The following RNGTT variants were observed in gnomAD, a reference collection of about 807,000 sequenced individuals.
The protein encoded by RNGTT is mRNA-capping enzyme.
RNGTT carries 33 observed loss-of-function variants against 79.3 expected under a neutral mutation model. The ratio of observed to expected loss-of-function variants is 0.42; its 90% CI spans 0.32 to 0.56. The LOEUF is 0.56. Ranked by LOEUF, RNGTT falls within the 20% of genes least tolerant of loss-of-function variation. The probability of loss-of-function intolerance (pLI) is 0.17; values close to 1 mark genes in which losing one functional copy is unlikely to be tolerated. For synonymous variants in RNGTT, 222 were observed against 235.9 expected (o/e 0.94, Z 0.54); for missense variants, 497 against 739.1 (o/e 0.67, Z 3.80).
At chr6:88,774,762 GA>G (rs1035809142) in intron 12 of RNGTT, among the ~76,000 whole-genome samples, 1 of 152,012 alleles carries the variant, frequency 6.6e-6, no homozygotes, top group Non-Finnish European at 1.5e-5. Flanking sequence ...ATTTAAAATA[GA>G]AAAAAATCAT....
At chr6:88,803,217 T>G (rs9359816) in intron 11 of RNGTT, among the ~76,000 whole-genome samples, 1 of 151,968 alleles carries the variant, frequency 6.6e-6, no homozygotes. Context: ...GACACTGAGA[T>G]AGAAATTAGA....
chr6:88,693,874 G>C (rs1305887128), intron 13 of RNGTT, among the ~76,000 whole-genome samples: 1 of 152,026 alleles, frequency 6.6e-6, no homozygotes, highest in Non-Finnish European at 1.5e-5. Context: ...CATTAGCTAT[G>C]GCAAAAGAAT....
intron 12 of RNGTT, among the ~76,000 whole-genome samples, chr6:88,797,473 G>C (rs1779635858): frequency 6.6e-6 from 1 of 152,094 alleles, no homozygotes; most frequent in African/African-American, 2.4e-5. Flanking sequence ...ATAGTGAAAA[G>C]AAACTCTAAG....
chr6:88,627,679 A>G (rs1772683330), intron 14 of RNGTT, among the ~76,000 whole-genome samples: 1 of 152,118 alleles, frequency 6.6e-6, no homozygotes, highest in South Asian at 2.1e-4. Context: ...TTAATCTTCT[A>G]AACTCTTTCT....
intron 11 of RNGTT, among the ~76,000 whole-genome samples, chr6:88,838,850 T>C (rs1781168740): frequency 6.6e-6 from 1 of 152,094 alleles, no homozygotes; most frequent in African/African-American, 2.4e-5. Context: ...ACTATCTGAT[T>C]TCAAGATTTA....
chr6:88,862,319 GTCA>G (rs1782040052), intron 8 of RNGTT, among the ~76,000 whole-genome samples: 1 of 152,106 alleles, frequency 6.6e-6, no homozygotes, highest in South Asian at 2.1e-4. Flanking sequence ...ATCACCAATG[GTCA>G]ATGGTTTACT....
At chr6:88,632,742 A>C (rs1406988879) in intron 14 of RNGTT, among the ~76,000 whole-genome samples, 1 of 152,202 alleles carries the variant, frequency 6.6e-6, no homozygotes, top group Non-Finnish European at 1.5e-5. Flanking sequence ...ACAGAATATC[A>C]AACAGAATAA....
intron 13 of RNGTT, among the ~76,000 whole-genome samples, chr6:88,691,803 T>G (rs958014621): frequency 5.9e-5 from 9 of 152,048 alleles, no homozygotes; most frequent in African/African-American, 2.2e-4. Flanking sequence ...AAAACCAACA[T>G]AAGCAATCAG....
At chr6:88,853,832 C>T in intron 8 of RNGTT, 68 bp from the exon 9 acceptor site, 1 of 965,552 alleles carries the variant, frequency 1.0e-6, no homozygotes, top group Non-Finnish European at 1.5e-6. Flanking sequence ...TGAGAAATAA[C>T]ATACTGGTTT....
In RNGTT at chr6:88,742,319, C is replaced by G. The variant is rs541004309; in HGVS notation, c.1439+27455G>C. On this transcript the variant is annotated intron_variant, in intron 13 of 15. Coordinates refer to ENST00000369485, the MANE Select transcript of RNGTT (RefSeq NM_003800.5). ...CTTTTTGTTTAAAAGCTAATCAGTT[C>G]TGTTCAAATATATTTAAAATATGCA... is the stretch of plus-strand genomic sequence containing the variant. 3.9e-5 allele frequency among the ~76,000 whole-genome samples: 6 copies of G among 152,250 alleles called. No homozygotes were observed. In the South Asian group the frequency reaches 1.2e-3, roughly 32 times the overall value.
intron 6 of RNGTT, among the ~76,000 whole-genome samples, chr6:88,896,020 C>T (rs142425454): frequency 1.3e-5 from 2 of 152,162 alleles, no homozygotes; most frequent in East Asian, 1.9e-4. Flanking sequence ...AGCTAGCTCT[C>T]CCTAGACAGA....
intron 14 of RNGTT, among the ~76,000 whole-genome samples, chr6:88,626,463 G>T (rs1289415035): frequency 6.6e-6 from 1 of 151,938 alleles, no homozygotes; most frequent in Non-Finnish European, 1.5e-5. Context: ...TATTTCCAAG[G>T]ATTACATTTC....
chr6:88,803,588 A>AT (rs558170257), intron 11 of RNGTT, among the ~76,000 whole-genome samples: 3,040 of 150,970 alleles, frequency 0.02, 120 homozygotes, highest in African/African-American at 0.07. Context: ...AAAAAAAAAA[A>AT]AAAAAAAAAC....
intron 4 of RNGTT, among the ~76,000 whole-genome samples, chr6:88,908,367 G>A (rs1282132745): frequency 6.6e-6 from 1 of 152,096 alleles, no homozygotes; most frequent in Non-Finnish European, 1.5e-5. Context: ...TCCATGAAAA[G>A]GAACCAAAAT....
intron 8 of RNGTT, among the ~76,000 whole-genome samples, chr6:88,876,726 T>C (rs1471244006): frequency 6.6e-6 from 1 of 152,206 alleles, no homozygotes; most frequent in African/African-American, 2.4e-5. Context: ...GGGGAAAAAA[T>C]GTTTGAAAAT....
chr6:88,896,769 G>A (rs531636799), intron 6 of RNGTT, among the ~76,000 whole-genome samples: 245 of 152,254 alleles, frequency 1.6e-3, no homozygotes, highest in Middle Eastern at 3.4e-3. Context: ...TATCCTTTGT[G>A]TATTGAAAGA....
intron 12 of RNGTT, among the ~76,000 whole-genome samples, chr6:88,776,652 A>G (rs1582448258): frequency 1.6e-5 from 2 of 124,962 alleles, no homozygotes; most frequent in South Asian, 5.0e-4. Flanking sequence ...GACCACTTTC[A>G]TGGCTTCTTT....
chr6:88,622,774 G>A (rs1196025766), intron 14 of RNGTT, among the ~76,000 whole-genome samples: 2 of 152,034 alleles, frequency 1.3e-5, no homozygotes, highest in African/African-American at 2.4e-5. Context: ...CAGTTCCTGA[G>A]CTCTAGAACC....
At chr6:88,635,804 A>G (rs1163261947) in intron 14 of RNGTT, among the ~76,000 whole-genome samples, 2 of 151,964 alleles carry the variant, frequency 1.3e-5, no homozygotes, top group Non-Finnish European at 2.9e-5. Context: ...AGGCTGTTTT[A>G]GAGTAATTCC....
Sources: allele counts gnomAD v4.1 joint callset (sites outside exome capture counted in the v4.1 genomes callset), GRCh38; gene constraint gnomAD v4.1.1; transcripts MANE v1.5; gene names NCBI Gene and HGNC (gene_info 2026-07-23, HGNC 2026-07-21).